The following CACHD1 variants were observed in gnomAD, a reference collection of about 807,000 sequenced individuals.
CACHD1 encodes the protein VWFA and cache domain-containing protein 1.
CACHD1 carries 71 observed loss-of-function variants against 138.7 expected under a neutral mutation model. That is an observed-to-expected ratio of 0.51 (90% CI 0.42 to 0.62). CACHD1 has a LOEUF of 0.62. Ranked by LOEUF, CACHD1 falls within the 20% of genes least tolerant of loss-of-function variation. CACHD1 has a pLI of 0.00. For synonymous variants in CACHD1, 578 were observed against 591.5 expected (o/e 0.98, Z 0.33); for missense variants, 1,389 against 1,625.3 (o/e 0.85, Z 2.50).
intron 1 of CACHD1, among the ~76,000 whole-genome samples, chr1:64,502,454 A>T (rs1436423473): frequency 1.3e-5 from 2 of 152,022 alleles, no homozygotes; most frequent in Non-Finnish European, 2.9e-5. Context: ...TCCAGCCACG[A>T]CTTCATTCCT....
intron 26 of CACHD1, among the ~76,000 whole-genome samples, chr1:64,690,804 A>G (rs112850889): frequency 3.3e-5 from 5 of 152,214 alleles, no homozygotes; most frequent in African/African-American, 1.2e-4. Flanking sequence ...TTTTTGTTCT[A>G]TTGTGGCGTC....
intron 7 of CACHD1, among the ~76,000 whole-genome samples, chr1:64,637,357 C>A (rs548945466): frequency 3.3e-5 from 5 of 152,310 alleles, no homozygotes; most frequent in Non-Finnish European, 5.9e-5. Flanking sequence ...GGTAGCTGCT[C>A]CTCTGTTCAG....
intron 16 of CACHD1, among the ~76,000 whole-genome samples, chr1:64,671,350 AC>A (rs1649809540): frequency 6.6e-6 from 1 of 152,122 alleles, no homozygotes; most frequent in Admixed American, 6.6e-5. Context: ...TCTTATTTAT[AC>A]AGTCCTACAT....
At chr1:64,562,608 A>G (rs1646850126) in intron 2 of CACHD1, among the ~76,000 whole-genome samples, 1 of 146,872 alleles carries the variant, frequency 6.8e-6, no homozygotes, top group African/African-American at 2.5e-5. Flanking sequence ...ATTTTAGTAG[A>G]GATGGGGTTT....
chr1:64,687,166 A>G (rs908174645), intron 26 of CACHD1, among the ~76,000 whole-genome samples: 2 of 152,176 alleles, frequency 1.3e-5, no homozygotes, highest in Non-Finnish European at 2.9e-5. Flanking sequence ...AGTGTTTGCA[A>G]ATATCCTTTG....
chr1:64,570,322 A>G (rs1646916792), intron 2 of CACHD1, among the ~76,000 whole-genome samples: 2 of 152,234 alleles, frequency 1.3e-5, no homozygotes, highest in Admixed American at 1.3e-4. Flanking sequence ...GCCAAGAACT[A>G]TAGCTTTATT....
chr1:64,661,476 C>T (rs1649438243), intron 13 of CACHD1, among the ~76,000 whole-genome samples: 3 of 152,252 alleles, frequency 2.0e-5, no homozygotes, highest in Admixed American at 2.0e-4. Flanking sequence ...AAAAGAGACC[C>T]CAAGCCACCT....
rs980605134 is a variant in CACHD1, at chr1:64,580,704, C to A, written c.262-1452C>A. On this transcript the variant is annotated intron_variant, in intron 2 of 26. Transcript: ENST00000651257. The stretch of plus-strand genomic sequence containing the variant: ...ATCTGGGCCATTAGTGGCATTTGAA[C>A]CAGATAATTCTTGGTTTTGGGGTGC... Among the ~76,000 whole-genome samples, 6 of 152,140 alleles carry A rather than the reference C, an allele frequency of 3.9e-5. No homozygotes were observed. The East Asian group carries it at 1.2e-3, about 29-fold the overall frequency.
At chr1:64,530,317 T>C (rs774495844) in intron 1 of CACHD1, among the ~76,000 whole-genome samples, 15 of 152,102 alleles carry the variant, frequency 9.9e-5, no homozygotes, top group Non-Finnish European at 1.9e-4. Flanking sequence ...GACTTAAGAA[T>C]AGCAACTTCT....
chr1:64,588,389 G>T (rs1371077566), intron 3 of CACHD1, among the ~76,000 whole-genome samples: 1 of 151,442 alleles, frequency 6.6e-6, no homozygotes, highest in Non-Finnish European at 1.5e-5. Context: ...AGGCCATACT[G>T]ATCCTTGGCT....
At chr1:64,616,105 T>C (rs1041074657) in intron 4 of CACHD1, among the ~76,000 whole-genome samples, 1 of 152,202 alleles carries the variant, frequency 6.6e-6, no homozygotes, top group African/African-American at 2.4e-5. Context: ...GTATTCTGCC[T>C]ACTGACACTT....
chr1:64,647,650 G>A, intron 8 of CACHD1, 151 bp from the exon 9 acceptor site: 1 of 624,124 alleles, frequency 1.6e-6, no homozygotes, highest in South Asian at 2.0e-5. Context: ...GCAGGAACTG[G>A]TATTTGTGTC....
chr1:64,597,377 A>G (rs970109133), intron 3 of CACHD1, among the ~76,000 whole-genome samples: 2 of 152,118 alleles, frequency 1.3e-5, no homozygotes, highest in Non-Finnish European at 2.9e-5. Context: ...ACGTCAATCA[A>G]GTGAACATCT....
intron 1 of CACHD1, among the ~76,000 whole-genome samples, chr1:64,472,954 G>T (rs1269160889): frequency 1.3e-5 from 2 of 152,084 alleles, no homozygotes; most frequent in African/African-American, 4.8e-5. Flanking sequence ...TTGACAAAAG[G>T]TGAAATTGGA....
chr1:64,594,896 T>C (rs975080823), intron 3 of CACHD1, among the ~76,000 whole-genome samples: 1 of 152,258 alleles, frequency 6.6e-6, no homozygotes, highest in Non-Finnish European at 1.5e-5. Flanking sequence ...AATCTATCTA[T>C]AATCTCTTTC....
chr1:64,681,385 C>T (rs1471196110), intron 25 of CACHD1, 50 bp downstream of exon 25: 4 of 1,383,056 alleles, frequency 2.9e-6, no homozygotes, highest in Admixed American at 1.7e-5. Flanking sequence ...GAGGCTAATC[C>T]AGAATAAATA....
At chr1:64,480,824 G>A (rs1399416186) in intron 1 of CACHD1, among the ~76,000 whole-genome samples, 2 of 150,510 alleles carry the variant, frequency 1.3e-5, no homozygotes, top group Non-Finnish European at 2.9e-5. Flanking sequence ...TGGATTTTAT[G>A]ACCTACATCT....
At chr1:64,508,651 A>C (rs1030697174) in intron 1 of CACHD1, among the ~76,000 whole-genome samples, 1 of 152,140 alleles carries the variant, frequency 6.6e-6, no homozygotes, top group Admixed American at 6.5e-5. Context: ...CCTTATTTAG[A>C]TATATTCCTC....
intron 1 of CACHD1, among the ~76,000 whole-genome samples, chr1:64,490,934 T>C (rs926247575): frequency 6.6e-6 from 1 of 152,200 alleles, no homozygotes; most frequent in African/African-American, 2.4e-5. Context: ...CTCTTGCCCT[T>C]TAATTTTCAG....
Sources: allele counts gnomAD v4.1 joint callset (sites outside exome capture counted in the v4.1 genomes callset), GRCh38; gene constraint gnomAD v4.1.1; transcripts MANE v1.5; gene names NCBI Gene and HGNC (gene_info 2026-07-23, HGNC 2026-07-21).